Variants in RPS6KA6 observed in about 807,000 individuals in gnomAD.
The protein encoded by RPS6KA6 is ribosomal protein S6 kinase alpha-6.
In RPS6KA6, 27 loss-of-function variants were observed where a neutral mutation model predicts 65.4. The ratio of observed to expected loss-of-function variants is 0.41; its 90% CI spans 0.30 to 0.57. The LOEUF is 0.57. Ranked by LOEUF, RPS6KA6 falls within the 20% of genes least tolerant of loss-of-function variation. The pLI, the probability that RPS6KA6 is intolerant of heterozygous loss-of-function variation, is 0.24. For synonymous variants in RPS6KA6, 190 were observed against 184.2 expected (o/e 1.03, Z -0.26); for missense variants, 486 against 555.6 (o/e 0.87, Z 1.26).
chrX:84,148,640 T>C (rs1027450966), intron 3 of RPS6KA6, among the ~76,000 whole-genome samples: 1 of 111,499 alleles, frequency 9.0e-6, no homozygotes, highest in African/African-American at 3.3e-5. Context: ...TACCTCCTTT[T>C]AAGACCCAGG....
At position 84,062,922 on chromosome X, in the gene RPS6KA6, T is replaced by C. The variant is rs1256217265; in HGVS notation, c.*1355A>G. The C allele has an allele frequency of 9.8e-6, 1 of 102,509 alleles. No homozygotes were observed. Among genetic ancestry groups the C allele is most frequent in the African/African-American group, 3.7e-5 (1 of 27,353 alleles). 8.4% of individuals were successfully genotyped at this position (102,509 alleles called of 1,213,427 possible). Reference sequence around the variant, plus strand: ...ATTCATGAATTCTTTCTGTCAGTAGTAGTAGTAGTAGTAGTAGTAGTAGTA... The same window carrying C: ...ATTCATGAATTCTTTCTGTCAGTAGCAGTAGTAGTAGTAGTAGTAGTAGTA... On this transcript the variant is annotated 3_prime_UTR_variant, in exon 22 of 22. Transcript: ENST00000262752.
At chrX:84,175,066 C>G (rs1448816878) in intron 1 of RPS6KA6, among the ~76,000 whole-genome samples, 1 of 111,684 alleles carries the variant, frequency 9.0e-6, no homozygotes, top group East Asian at 2.8e-4. Flanking sequence ...CCATTTCTGA[C>G]TCTTAAATGC....
At chrX:84,088,111 T>C (rs773309836) in intron 20 of RPS6KA6, among the ~76,000 whole-genome samples, 5 of 112,082 alleles carry the variant, frequency 4.5e-5, no homozygotes, top group Non-Finnish European at 7.5e-5. Context: ...CATGCTCCTG[T>C]AGCTCAACAA....
intron 20 of RPS6KA6, among the ~76,000 whole-genome samples, chrX:84,093,891 G>A (rs2034098046): frequency 1.8e-5 from 2 of 111,469 alleles, no homozygotes; most frequent in Admixed American, 1.9e-4. Context: ...CAGGAGTGGA[G>A]TGGGGTTGGG....
At chrX:84,153,661 CAA>C (rs773406387) in intron 3 of RPS6KA6, among the ~76,000 whole-genome samples, 3 of 111,561 alleles carry the variant, frequency 2.7e-5, no homozygotes, top group African/African-American at 9.7e-5. Flanking sequence ...CTCTGCAGCT[CAA>C]AGTCTCTTGG....
chrX:84,080,339 A>C (rs1456582271), intron 20 of RPS6KA6, among the ~76,000 whole-genome samples: 1 of 78,892 alleles, frequency 1.3e-5, no homozygotes, highest in Non-Finnish European at 2.5e-5. Flanking sequence ...CATCAACAAA[A>C]AGGATGTCCA....
chrX:84,083,687 C>T (rs1054621917), intron 20 of RPS6KA6, among the ~76,000 whole-genome samples: 1 of 111,908 alleles, frequency 8.9e-6, no homozygotes, highest in Non-Finnish European at 1.9e-5. Flanking sequence ...AACATATGTA[C>T]GCATGTATCT....
intron 8 of RPS6KA6, among the ~76,000 whole-genome samples, chrX:84,125,412 A>C (rs914212309): frequency 8.9e-6 from 1 of 111,914 alleles, no homozygotes; most frequent in African/African-American, 3.3e-5. Flanking sequence ...GATGAATTCA[A>C]AGTGTAGTGT....
At chrX:84,118,562 A>AT (rs1329151895) in intron 9 of RPS6KA6, among the ~76,000 whole-genome samples, 2 of 111,105 alleles carry the variant, frequency 1.8e-5, no homozygotes, top group Non-Finnish European at 3.8e-5. Flanking sequence ...GTTAAAAATT[A>AT]TTTTTTCCCA....
At chrX:84,112,384 C>T (rs1043346037) in intron 12 of RPS6KA6, among the ~76,000 whole-genome samples, 1 of 111,813 alleles carries the variant, frequency 8.9e-6, no homozygotes, top group Non-Finnish European at 1.9e-5. Flanking sequence ...TCTCCACCGC[C>T]CATGTAACAC....
chrX:84,101,408 C>T lies in RPS6KA6; in HGVS notation c.1776+629G>A, dbSNP rs1338534672. ...AATCTGTACCACAGCCTCCCCTTTC[C>T]TGACTCTTCTCCCTAAGAGCATCAC... On this transcript the variant is annotated intron_variant, in intron 18 of 21. Transcript: ENST00000262752. 5.4e-5 allele frequency among the ~76,000 whole-genome samples: 6 copies of T among 110,360 alleles called. No homozygotes were observed. The South Asian group carries it at 1.5e-3, about 28-fold the overall frequency.
chrX:84,169,907 A>G (rs1185813636), intron 1 of RPS6KA6, among the ~76,000 whole-genome samples: 1 of 111,442 alleles, frequency 9.0e-6, no homozygotes, highest in Admixed American at 9.5e-5. Flanking sequence ...GCTGTGGCTC[A>G]TGCCTGTAAT....
intron 1 of RPS6KA6, among the ~76,000 whole-genome samples, chrX:84,180,313 A>C (rs1178926947): frequency 1.8e-5 from 2 of 112,260 alleles, no homozygotes; most frequent in African/African-American, 6.5e-5. Context: ...AGAAAGTGCA[A>C]ATTTCAAGTT....
chrX:84,159,352 A>G (rs1349917557), intron 2 of RPS6KA6, among the ~76,000 whole-genome samples: 1 of 110,864 alleles, frequency 9.0e-6, no homozygotes, highest in Non-Finnish European at 1.9e-5. Flanking sequence ...GTTCTGCACC[A>G]TTTCAAAAGC....
intron 3 of RPS6KA6, among the ~76,000 whole-genome samples, chrX:84,154,792 T>C (rs889564269): frequency 9.0e-6 from 1 of 111,561 alleles, no homozygotes; most frequent in African/African-American, 3.3e-5. Context: ...CCATAATTCA[T>C]CTCAGTTTGT....
chrX:84,153,592 TGG>T (rs2147575890), intron 3 of RPS6KA6, among the ~76,000 whole-genome samples: 1 of 111,927 alleles, frequency 8.9e-6, no homozygotes, highest in Non-Finnish European at 1.9e-5. Flanking sequence ...AGGCTTTATA[TGG>T]GCTAAAATCC....
At chrX:84,115,207 C>T (rs2034540666) in intron 12 of RPS6KA6, among the ~76,000 whole-genome samples, 2 of 111,507 alleles carry the variant, frequency 1.8e-5, no homozygotes, top group Non-Finnish European at 1.9e-5. Flanking sequence ...ATGCCTCTGA[C>T]AAAAGACTAA....
intron 1 of RPS6KA6, among the ~76,000 whole-genome samples, chrX:84,186,490 A>G (rs950551027): frequency 8.9e-6 from 1 of 111,847 alleles, no homozygotes. Flanking sequence ...ATTAAAACGT[A>G]TATTGGAATT....
intron 2 of RPS6KA6, among the ~76,000 whole-genome samples, chrX:84,163,627 C>G (rs1225835538): frequency 7.9e-5 from 6 of 76,097 alleles, no homozygotes; most frequent in Non-Finnish European, 1.2e-4. Context: ...GCCTGGGCGA[C>G]AGAGCGAGAC....
Sources: allele counts gnomAD v4.1 joint callset (sites outside exome capture counted in the v4.1 genomes callset), GRCh38; gene constraint gnomAD v4.1.1; transcripts MANE v1.5; gene names NCBI Gene and HGNC (gene_info 2026-07-23, HGNC 2026-07-21).